PDE12: variants seen among roughly 807,000 people sequenced by gnomAD.
The protein encoded by PDE12 is 2',5'-phosphodiesterase 12.
A neutral mutation model predicts 45.4 loss-of-function variants in PDE12; 26 were observed. That is an observed-to-expected ratio of 0.57 (90% CI 0.42 to 0.79). The LOEUF is 0.79. Ranked by LOEUF, PDE12 falls within the 30% of genes least tolerant of loss-of-function variation. PDE12 has a pLI of 0.00. For missense variants in PDE12, 668 were observed against 790.0 expected, an observed-to-expected ratio of 0.85 and a Z score of 1.85; for synonymous variants, 283 against 323.9, an observed-to-expected ratio of 0.87 and a Z score of 1.36.
the PDE12 span, among the ~76,000 whole-genome samples, chr3:57,619,869 CAAATAAA>C: frequency 6.6e-6 from 1 of 150,878 alleles, no homozygotes; most frequent in Admixed American, 6.6e-5. Context: ...ATAAATAAAT[CAAATAAA>C]AAATAAAAAA....
rs906768812 is a variant in PDE12 at position 57,561,760 on chromosome 3, G to T, written c.*1756G>T. On this transcript the variant is annotated 3_prime_UTR_variant, in exon 3 of 3. Transcript: ENST00000311180. ...TAGTATCATAAGAATTTCCTCTTTT[G>T]ATAACATCTGTACTTTCATATTCTG... 2.0e-5 allele frequency: 20 copies of T among 984,094 alleles called. No homozygotes were observed. The highest frequency in any genetic ancestry group is 6.2e-5 in the Admixed American group (1 of 16,226). The allele number at this position is 984,094 out of a possible 1,614,324, so 61.0% of individuals were successfully genotyped here. A position where few individuals can be genotyped will look rare whatever the true frequency, so the allele number is the denominator to read the frequency against.
chr3:57,609,928 C>G, the PDE12 span, among the ~76,000 whole-genome samples: 3 of 151,798 alleles, frequency 2.0e-5, no homozygotes, highest in Non-Finnish European at 2.9e-5. Context: ...AGAGACACAA[C>G]AAAAAAAGAG....
rs1030779557 is a variant in PDE12 at position 57,561,331 on chromosome 3, A to C, written c.*1327A>C. ...GTTTTTATAAACAGGAAAAAGGTTG[A>C]GTAGTGGGACTTTTAAGCATCTCTG... is the stretch of plus-strand genomic sequence containing the variant. On this transcript the variant is annotated 3_prime_UTR_variant, in exon 3 of 3. Transcript: ENST00000311180. The C allele has an allele frequency of 1.8e-5, 18 of 984,986 alleles. No individual in the cohort carries two copies. Among genetic ancestry groups the C allele is most frequent in the Non-Finnish European group, 1.3e-5 (11 of 829,270 alleles). 61.0% of individuals were successfully genotyped at this position (984,986 alleles called of 1,614,324 possible).
At chr3:57,609,934 A>G in the PDE12 span, among the ~76,000 whole-genome samples, 5 of 152,124 alleles carry the variant, frequency 3.3e-5, no homozygotes, top group Non-Finnish European at 7.4e-5. Context: ...ACAACAAAAA[A>G]AGAGAATTTT....
chr3:57,559,286 C>A, intron 1 of PDE12, 24 bp from the exon 2 acceptor site: 1 of 1,558,222 alleles, frequency 6.4e-7, no homozygotes, highest in South Asian at 1.1e-5. Context: ...CAACTGAACT[C>A]TTGGCACTTT....
chr3:57,570,315 G>A (rs1240911150), downstream of PDE12, among the ~76,000 whole-genome samples: 3 of 137,714 alleles, frequency 2.2e-5, no homozygotes, highest in East Asian at 4.5e-4. Flanking sequence ...AGGTTCAAGC[G>A]AGTCTCTTGC....
the PDE12 span, chr3:57,627,621 A>G: frequency 6.6e-6 from 1 of 152,512 alleles, no homozygotes; most frequent in East Asian, 1.9e-4. Flanking sequence ...CACAATGGGT[A>G]GCAAGAAACT....
the PDE12 span, chr3:57,625,310 G>A: frequency 6.6e-6 from 1 of 152,262 alleles, no homozygotes; most frequent in African/African-American, 2.4e-5. Flanking sequence ...TCATAGTGAA[G>A]TACACAGGGT....
the PDE12 span, among the ~76,000 whole-genome samples, chr3:57,653,251 C>G: frequency 3.9e-5 from 6 of 152,018 alleles, no homozygotes; most frequent in African/African-American, 1.5e-4. Flanking sequence ...CTTTAAGGCA[C>G]CAAGTTGCAA....
At chr3:57,601,118 GTTATT>G in the PDE12 span, among the ~76,000 whole-genome samples, 85 of 148,110 alleles carry the variant, frequency 5.7e-4, no homozygotes, top group Admixed American at 2.1e-3. Context: ...CTCATCTCTG[GTTATT>G]TTATTTTATT....
the PDE12 span, among the ~76,000 whole-genome samples, chr3:57,621,634 T>C: frequency 7.9e-4 from 120 of 152,248 alleles, 1 homozygote; most frequent in African/African-American, 2.4e-3. Context: ...CACTCCAGCC[T>C]GGGTGACAGA....
downstream of PDE12, among the ~76,000 whole-genome samples, chr3:57,569,152 A>G (rs2069812126): frequency 6.6e-6 from 1 of 152,182 alleles, no homozygotes; most frequent in South Asian, 2.1e-4. Flanking sequence ...CTATTTCATA[A>G]TACTTCAATA....
At chr3:57,649,034 TG>T in the PDE12 span, among the ~76,000 whole-genome samples, 19 of 152,116 alleles carry the variant, frequency 1.2e-4, no homozygotes, top group African/African-American at 3.9e-4. Flanking sequence ...ATTTTGCTTC[TG>T]TACAGCAAAA....
the PDE12 span, among the ~76,000 whole-genome samples, chr3:57,605,332 G>T: frequency 6.6e-6 from 1 of 152,108 alleles, no homozygotes; most frequent in Non-Finnish European, 1.5e-5. Context: ...ATTAGCACAT[G>T]AATCTGAGCA....
the PDE12 span, among the ~76,000 whole-genome samples, chr3:57,639,926 T>C: frequency 6.6e-6 from 1 of 152,108 alleles, no homozygotes; most frequent in Non-Finnish European, 1.5e-5. Context: ...AATCAGATGA[T>C]TAAGTCATGT....
the PDE12 span, among the ~76,000 whole-genome samples, chr3:57,631,997 C>T: frequency 6.9e-6 from 1 of 144,276 alleles, no homozygotes; most frequent in Non-Finnish European, 1.5e-5. Flanking sequence ...GCTGGGATTA[C>T]AGGCGTGAGC....
chr3:57,596,836 G>A, the PDE12 span: 1 of 519,558 alleles, frequency 1.9e-6, no homozygotes, highest in East Asian at 3.4e-5. Flanking sequence ...AAAAAGCCGA[G>A]TCCAGAAAGA....
chr3:57,577,025 T>C, the PDE12 span, among the ~76,000 whole-genome samples: 9 of 150,994 alleles, frequency 6.0e-5, no homozygotes, highest in Non-Finnish European at 1.3e-4. Context: ...CAGCCAGAGA[T>C]AGGCATCAAG....
the PDE12 span, among the ~76,000 whole-genome samples, chr3:57,591,421 T>G: frequency 2.0e-5 from 3 of 151,680 alleles, no homozygotes; most frequent in Non-Finnish European, 4.4e-5. Flanking sequence ...AAGAATGAAG[T>G]ACTAATATAC....
Sources: allele counts gnomAD v4.1 joint callset (sites outside exome capture counted in the v4.1 genomes callset), GRCh38; gene constraint gnomAD v4.1.1; transcripts MANE v1.5; gene names NCBI Gene and HGNC (gene_info 2026-07-23, HGNC 2026-07-21).